KCND2: variants seen among roughly 807,000 people sequenced by gnomAD.
The protein encoded by KCND2 is A-type voltage-gated potassium channel KCND2.
In KCND2, 16 loss-of-function variants were observed where a neutral mutation model predicts 54.4. The observed-to-expected ratio is 0.29, with a 90% CI of 0.20 to 0.45. The LOEUF (loss-of-function observed/expected upper bound fraction) is 0.45, where lower values mean the gene tolerates loss of function less well. Among genes scored for constraint, KCND2 ranks in the 20% least tolerant of loss-of-function variants. KCND2 has a pLI of 1.00. For missense variants in KCND2, 486 were observed against 824.2 expected (o/e 0.59, Z 5.02); for synonymous variants, 317 against 310.7 (o/e 1.02, Z -0.21).
intron 1 of KCND2, among the ~76,000 whole-genome samples, chr7:120,664,736 A>C (rs1474716327): frequency 1.3e-5 from 2 of 152,056 alleles, no homozygotes; most frequent in African/African-American, 4.8e-5. Context: ...CCAGTCCCTA[A>C]AGCTTTGATT....
chr7:120,439,342 A>G (rs1441713074), intron 1 of KCND2, among the ~76,000 whole-genome samples: 1 of 152,066 alleles, frequency 6.6e-6, no homozygotes, highest in African/African-American at 2.4e-5. Flanking sequence ...AATAATTGAG[A>G]TCCAAACACA....
chr7:120,547,943 GACCTCAGAGTCTGTCACAA>G (rs1181965052), intron 1 of KCND2, among the ~76,000 whole-genome samples: 3 of 151,964 alleles, frequency 2.0e-5, no homozygotes, highest in Non-Finnish European at 4.4e-5. Flanking sequence ...GACAGACTCT[GACCTCAGAGTCTGTCACAA>G]ACATGTTGTA....
intron 1 of KCND2, among the ~76,000 whole-genome samples, chr7:120,671,137 C>T (rs371014587): frequency 1.3e-5 from 2 of 151,700 alleles, no homozygotes; most frequent in African/African-American, 2.4e-5. Context: ...ATTTGTTTAC[C>T]AAGTGTGCTA....
intron 1 of KCND2, among the ~76,000 whole-genome samples, chr7:120,656,399 A>G (rs886649150): frequency 6.6e-6 from 1 of 152,206 alleles, no homozygotes; most frequent in African/African-American, 2.4e-5. Context: ...TAGGTATTTT[A>G]CCCAATGAAA....
intron 1 of KCND2, among the ~76,000 whole-genome samples, chr7:120,676,688 G>T (rs929766165): frequency 2.0e-5 from 3 of 152,148 alleles, no homozygotes; most frequent in African/African-American, 7.2e-5. Context: ...CCTGATCAAT[G>T]ATTTACATTT....
At chr7:120,447,895 C>T (rs1802040009) in intron 1 of KCND2, among the ~76,000 whole-genome samples, 1 of 151,454 alleles carries the variant, frequency 6.6e-6, no homozygotes, top group African/African-American at 2.4e-5. Flanking sequence ...GGAATAAACA[C>T]AACAATTTTA....
At chr7:120,404,353 A>G (rs1318529797) in intron 1 of KCND2, among the ~76,000 whole-genome samples, 2 of 152,170 alleles carry the variant, frequency 1.3e-5, no homozygotes, top group Non-Finnish European at 2.9e-5. Flanking sequence ...TTGCAGCATT[A>G]CTGGTTGAAT....
intron 1 of KCND2, among the ~76,000 whole-genome samples, chr7:120,453,535 G>A (rs888870640): frequency 3.3e-5 from 5 of 152,120 alleles, no homozygotes; most frequent in Non-Finnish European, 7.4e-5. Context: ...ACGATCCTTA[G>A]CAAATTCAAA....
At chr7:120,569,418 T>A (rs1792336241) in intron 1 of KCND2, among the ~76,000 whole-genome samples, 1 of 152,162 alleles carries the variant, frequency 6.6e-6, no homozygotes, top group Non-Finnish European at 1.5e-5. Flanking sequence ...CCCAAATTAT[T>A]TGTCTTATTT....
intron 1 of KCND2, among the ~76,000 whole-genome samples, chr7:120,693,953 A>G (rs1168379730): frequency 6.6e-6 from 1 of 152,144 alleles, no homozygotes; most frequent in East Asian, 1.9e-4. Context: ...TGGGATGCCG[A>G]GATGGGTGGT....
intron 1 of KCND2, among the ~76,000 whole-genome samples, chr7:120,688,747 G>GA (rs201695394): frequency 6.6e-6 from 1 of 151,700 alleles, no homozygotes; most frequent in Non-Finnish European, 1.5e-5. Context: ...AATCCTCTAA[G>GA]AAAAAAAATG....
intron 1 of KCND2, among the ~76,000 whole-genome samples, chr7:120,423,610 A>C (rs954315367): frequency 1.3e-5 from 2 of 152,122 alleles, no homozygotes; most frequent in Non-Finnish European, 2.9e-5. Flanking sequence ...GCAAGAATCT[A>C]CCCCATTTAA....
intron 1 of KCND2, among the ~76,000 whole-genome samples, chr7:120,314,694 G>A (rs942783970): frequency 6.6e-6 from 1 of 152,054 alleles, no homozygotes; most frequent in African/African-American, 2.4e-5. Context: ...CAAATTTGTT[G>A]TCTCTATAGT....
At chr7:120,509,983 A>G (rs971962309) in intron 1 of KCND2, among the ~76,000 whole-genome samples, 9 of 152,080 alleles carry the variant, frequency 5.9e-5, no homozygotes, top group African/African-American at 2.2e-4. Context: ...ACATCTAGCC[A>G]CAAGACCCTA....
intron 1 of KCND2, among the ~76,000 whole-genome samples, chr7:120,294,487 A>G (rs562163948): frequency 2.0e-5 from 3 of 151,956 alleles, no homozygotes; most frequent in Admixed American, 2.0e-4. Context: ...TATCTCATTT[A>G]TAAAATCACT....
chr7:120,655,618 A>G (rs2116551842), intron 1 of KCND2, among the ~76,000 whole-genome samples: 1 of 152,232 alleles, frequency 6.6e-6, no homozygotes, highest in South Asian at 2.1e-4. Context: ...TCTCATGCTC[A>G]AGTATTTTTA....
At chr7:120,533,047 A>G (rs1257102290) in intron 1 of KCND2, among the ~76,000 whole-genome samples, 1 of 152,070 alleles carries the variant, frequency 6.6e-6, no homozygotes, top group Non-Finnish European at 1.5e-5. Context: ...TTTTTTTGTC[A>G]ATAGTATTAT....
At chr7:120,429,976 A>T (rs1197849241) in intron 1 of KCND2, among the ~76,000 whole-genome samples, 1 of 152,200 alleles carries the variant, frequency 6.6e-6, no homozygotes, top group Non-Finnish European at 1.5e-5. Flanking sequence ...TGGATAAAAA[A>T]TCCATTCAAA....
chr7:120,302,805 C>T (rs1283017615), intron 1 of KCND2, among the ~76,000 whole-genome samples: 1 of 152,104 alleles, frequency 6.6e-6, no homozygotes, highest in Non-Finnish European at 1.5e-5. Flanking sequence ...CAACCTGTAC[C>T]TATCTTAGGA....
Sources: allele counts gnomAD v4.1 joint callset (sites outside exome capture counted in the v4.1 genomes callset), GRCh38; gene constraint gnomAD v4.1.1; transcripts MANE v1.5; gene names NCBI Gene and HGNC (gene_info 2026-07-23, HGNC 2026-07-21).